The following PUDP variants were observed in gnomAD, a reference collection of about 807,000 sequenced individuals.
The protein encoded by PUDP is pseudouridine-5'-phosphatase.
A neutral mutation model predicts 9.4 loss-of-function variants in PUDP; 8 were observed. The observed-to-expected ratio is 0.85, with a 90% confidence interval of 0.50 to 1.53. PUDP has a LOEUF of 1.53. Ranked by LOEUF, PUDP falls within the 40% of genes most tolerant of loss-of-function variation. PUDP has a pLI of 0.00. For synonymous variants in PUDP, 99 were observed against 80.7 expected (o/e 1.23, Z -1.22); for missense variants, 188 against 189.7 (o/e 0.99, Z 0.05).
At chrX:6,914,241 C>A (rs896209592) in intron 3 of PUDP, among the ~76,000 whole-genome samples, 2 of 108,128 alleles carry the variant, frequency 1.8e-5, no homozygotes, top group African/African-American at 3.4e-5. Context: ...GTTACATAGA[C>A]ACAGAACATA....
chrX:7,035,316 TC>T (rs1381980832), intron 1 of PUDP, among the ~76,000 whole-genome samples: 2 of 112,088 alleles, frequency 1.8e-5, no homozygotes, highest in Non-Finnish European at 3.8e-5. Context: ...AAATTAGGTT[TC>T]CTGGTGTCAT....
At chrX:6,881,601 A>T (rs1043990857) in intron 3 of PUDP, among the ~76,000 whole-genome samples, 1 of 111,963 alleles carries the variant, frequency 8.9e-6, no homozygotes, top group African/African-American at 3.2e-5. Context: ...CCCAGTAGGG[A>T]TAGGAGTGCC....
At chrX:6,797,716 G>A (rs887929526) in intron 3 of PUDP, among the ~76,000 whole-genome samples, 2 of 111,987 alleles carry the variant, frequency 1.8e-5, no homozygotes, top group Admixed American at 9.5e-5. Context: ...TGAGATGCCT[G>A]AGCCAGAAAT....
At chrX:6,991,704 T>A (rs1283229694) in intron 1 of PUDP, among the ~76,000 whole-genome samples, 1 of 109,198 alleles carries the variant, frequency 9.2e-6, no homozygotes, top group African/African-American at 3.3e-5. Flanking sequence ...AATAAAATTT[T>A]AAAAAATAAC....
At position 7,145,379 on chromosome X, in the gene PUDP, C is replaced by A. The variant is rs748306565; in HGVS notation, c.61+2674G>T. On this transcript the variant is annotated intron_variant, in intron 1 of 3. Coordinates refer to ENST00000381077, the MANE Select transcript of PUDP (RefSeq NM_012080.5). ...AGAAATTGGGACCATCTTTTGTGTT[C>A]CTAATTTCAGTTATTTACAAACAGA... Among the ~76,000 whole-genome samples, 5 of 111,337 alleles carry A rather than the reference C, an allele frequency of 4.5e-5. No homozygotes were observed. The East Asian group carries it at 1.4e-3, about 31-fold the overall frequency.
chrX:6,876,764 CAT>C lies in PUDP; in HGVS notation c.*247+100367_*247+100368del, dbSNP rs200606609. 7.6e-3 allele frequency among the ~76,000 whole-genome samples: 833 copies of C among 109,115 alleles called. 7 individuals are homozygous for C. Among genetic ancestry groups the C allele is most frequent in the African/African-American group, 0.025 (739 of 30,039 alleles). The allele number at this position is 109,115 out of a possible 115,157, so 94.8% of individuals were successfully genotyped here. A position where few individuals can be genotyped will look rare whatever the true frequency, so the allele number is the denominator to read the frequency against. On this transcript the variant is annotated intron_variant and NMD_transcript_variant, in intron 3 of 3. Coordinates refer to the PUDP transcript ENST00000655425. ...GCATGTATGCATGTTTGTGTCTATA[CAT>C]ATATGTGTACCTATAGACATATATA... is the stretch of plus-strand genomic sequence containing the variant.
chrX:7,105,905 G>T (rs1054404593), intron 1 of PUDP, 67 bp from the exon 2 acceptor site: 1 of 734,851 alleles, frequency 1.4e-6, no homozygotes, highest in Non-Finnish European at 2.0e-6. Flanking sequence ...TATCAGGTCC[G>T]CATAAACATA....
intron 3 of PUDP, among the ~76,000 whole-genome samples, chrX:6,741,653 G>T (rs1051530618): frequency 6.3e-5 from 7 of 110,634 alleles, no homozygotes; most frequent in Middle Eastern, 4.7e-3. Flanking sequence ...AGGTAGATAG[G>T]TATAGGTAGG....
chrX:7,118,087 CTT>C (rs1351258473), intron 1 of PUDP, among the ~76,000 whole-genome samples: 2 of 113,189 alleles, frequency 1.8e-5, no homozygotes, highest in Non-Finnish European at 3.7e-5. Context: ...AATCAGGAAA[CTT>C]TAACACAGTC....
chrX:6,753,970 CTTAAA>C (rs1415366438), intron 3 of PUDP, among the ~76,000 whole-genome samples: 2 of 111,816 alleles, frequency 1.8e-5, no homozygotes, highest in Non-Finnish European at 3.8e-5. Flanking sequence ...TGTAAAAGCT[CTTAAA>C]TTTAATTAAG....
chrX:6,910,209 C>A, intron 3 of PUDP, among the ~76,000 whole-genome samples: 1 of 112,092 alleles, frequency 8.9e-6, no homozygotes, highest in Non-Finnish European at 1.9e-5. Flanking sequence ...CCCCAGGGAG[C>A]AGAACCTTAA....
intron 3 of PUDP, among the ~76,000 whole-genome samples, chrX:6,733,770 CTTTTTTTTTTTTTT>C (rs3046297): frequency 1.5e-4 from 7 of 46,256 alleles, no homozygotes; most frequent in African/African-American, 2.1e-4. Flanking sequence ...AAAGCAAAGC[CTTTTTTTTTTTTTT>C]TTTTTTTTTT....
chrX:6,720,194 GTA>G (rs771604898), intron 1 of PUDP, among the ~76,000 whole-genome samples: 1,312 of 93,193 alleles, frequency 0.014, 24 homozygotes, highest in African/African-American at 0.053. Flanking sequence ...ATACATATGT[GTA>G]TATATATGTG....
intron 3 of PUDP, among the ~76,000 whole-genome samples, chrX:6,949,252 T>G (rs958057730): frequency 2.7e-5 from 3 of 111,884 alleles, no homozygotes; most frequent in African/African-American, 9.8e-5. Context: ...CACTAAGTAC[T>G]TTGAGATTTG....
intron 3 of PUDP, among the ~76,000 whole-genome samples, chrX:6,899,532 C>T (rs772269256): frequency 8.9e-6 from 1 of 111,938 alleles, no homozygotes; most frequent in East Asian, 2.8e-4. Context: ...GAGATCACAC[C>T]ACTGCACTCG....
chrX:6,976,638 T>C (rs950718358), intron 3 of PUDP, among the ~76,000 whole-genome samples: 1 of 111,896 alleles, frequency 8.9e-6, no homozygotes, highest in African/African-American at 3.2e-5. Context: ...CTGGAGCTGT[T>C]CCTATTCAGT....
At chrX:6,711,953 A>G (rs1256573041) in intron 1 of PUDP, among the ~76,000 whole-genome samples, 4 of 111,536 alleles carry the variant, frequency 3.6e-5, no homozygotes, top group Non-Finnish European at 1.9e-5. Context: ...CTGTCAATCT[A>G]CAGCATGTGC....
intron 3 of PUDP, among the ~76,000 whole-genome samples, chrX:6,863,394 A>G (rs1329509349): frequency 8.9e-6 from 1 of 112,312 alleles, no homozygotes; most frequent in African/African-American, 3.2e-5. Flanking sequence ...GAGATATCAG[A>G]TTGTAAATTG....
At chrX:6,738,138 C>T (rs1200987318) in intron 3 of PUDP, among the ~76,000 whole-genome samples, 2 of 111,403 alleles carry the variant, frequency 1.8e-5, no homozygotes, top group African/African-American at 6.5e-5. Context: ...CTTGGTTTCT[C>T]ATATCCCAGG....
Sources: gnomAD v4.1 joint callset for allele counts (sites outside exome capture counted in the v4.1 genomes callset) on GRCh38, gnomAD v4.1.1 for gene constraint, MANE v1.5 for transcripts, NCBI Gene and HGNC (gene_info 2026-07-23, HGNC 2026-07-21) for gene names.